DTNB: variants seen among roughly 807,000 people sequenced by gnomAD.
DTNB encodes dystrobrevin beta.
In DTNB, 63 loss-of-function variants were observed where a neutral mutation model predicts 90.7. The observed-to-expected ratio is 0.69, with a 90% confidence interval of 0.57 to 0.86. The LOEUF is 0.86. DTNB is among the 40% of genes least tolerant of loss of function. The pLI is 0.00. For synonymous variants in DTNB, 277 were observed against 286.7 expected (o/e 0.97, Z 0.34); for missense variants, 744 against 807.1 (o/e 0.92, Z 0.95).
chr2:25,473,665 G>A (rs1163465712), intron 10 of DTNB, among the ~76,000 whole-genome samples: 1 of 152,136 alleles, frequency 6.6e-6, no homozygotes, highest in Non-Finnish European at 1.5e-5. Flanking sequence ...GAGATTCGCT[G>A]GAAGAATCTG....
chr2:25,446,759 T>C (rs1217450207), intron 12 of DTNB, among the ~76,000 whole-genome samples: 3 of 152,236 alleles, frequency 2.0e-5, no homozygotes, highest in Non-Finnish European at 4.4e-5. Flanking sequence ...CATTGCGATA[T>C]ATTCATCTGA....
chr2:25,564,547 A>AT lies in DTNB; in HGVS notation c.876+12290dup, dbSNP rs58031038. Among the ~76,000 whole-genome samples, 554 of 147,098 alleles carry AT rather than the reference A, an allele frequency of 3.8e-3. 1 individual carries two copies. Among genetic ancestry groups the AT allele is most frequent in the African/African-American group, 5.8e-3 (236 of 40,386 alleles). On this transcript the variant is annotated intron_variant, in intron 8 of 20. Transcript: ENST00000406818. ...AGGCACGCGCCACCACACCTGGCTA[A>AT]TTTTTTTTTTTTGTATTTTTAATAG...
intron 8 of DTNB, among the ~76,000 whole-genome samples, chr2:25,551,768 T>C (rs533376667): frequency 9.7e-4 from 148 of 152,364 alleles, no homozygotes; most frequent in Middle Eastern, 3.4e-3. Flanking sequence ...ACTGGATCTA[T>C]TGCTTAAGTA....
intron 16 of DTNB, among the ~76,000 whole-genome samples, chr2:25,401,744 A>G (rs780942842): frequency 5.9e-5 from 9 of 152,250 alleles, no homozygotes; most frequent in Non-Finnish European, 1.3e-4. Context: ...CAGAGCATTC[A>G]TAACTGCATC....
In DTNB at chr2:25,519,338, C is replaced by G. The variant is rs569597707; in HGVS notation, c.1001+12135G>C. ...TGTGATCATGTCACTGAACTTTAGC[C>G]TCGGTGACAGATCAAGACCCTGTTT... On this transcript the variant is annotated intron_variant, in intron 9 of 20. Coordinates refer to ENST00000406818, the MANE Select transcript of DTNB (RefSeq NM_021907.5). 1.5e-4 allele frequency among the ~76,000 whole-genome samples: 22 copies of G among 150,562 alleles called. No individual in the cohort carries two copies. In the East Asian group the frequency reaches 4.1e-3, roughly 28 times the overall value.
chr2:25,511,295 A>G (rs2073891486), intron 9 of DTNB, among the ~76,000 whole-genome samples: 1 of 152,188 alleles, frequency 6.6e-6, no homozygotes, highest in Non-Finnish European at 1.5e-5. Context: ...GTCAATATAA[A>G]TCAGTTTCAT....
At chr2:25,382,482 G>A (rs1329134225) in intron 19 of DTNB, among the ~76,000 whole-genome samples, 1 of 146,698 alleles carries the variant, frequency 6.8e-6, no homozygotes, top group African/African-American at 2.5e-5. Flanking sequence ...AAGATTAAGA[G>A]CACGAAGTTT....
chr2:25,488,232 G>A (rs952675927), intron 9 of DTNB, among the ~76,000 whole-genome samples: 2 of 152,214 alleles, frequency 1.3e-5, no homozygotes, highest in Non-Finnish European at 2.9e-5. Flanking sequence ...GACAGTGGTA[G>A]TCAAGATGGG....
chr2:25,591,853 G>A (rs2148355457), intron 6 of DTNB, among the ~76,000 whole-genome samples: 1 of 152,154 alleles, frequency 6.6e-6, no homozygotes, highest in African/African-American at 2.4e-5. Flanking sequence ...CTGAGATCAG[G>A]AGGTCGAGAT....
chr2:25,396,149 T>C (rs772960554), intron 16 of DTNB, among the ~76,000 whole-genome samples: 9 of 152,230 alleles, frequency 5.9e-5, no homozygotes, highest in Non-Finnish European at 1.2e-4. Context: ...ACCATTATTC[T>C]AAGTGAAGTG....
Position 25,424,788 on chromosome 2 carries a change from C to T in DTNB, c.1554+2747G>A, listed in dbSNP as rs1006944708. On this transcript the variant is annotated intron_variant, in intron 15 of 20. Transcript: ENST00000406818. The surrounding 1 kb of genome is among the most constrained non-coding windows in gnomAD (Gnocchi z 4.1). ...GCTTAAGCGATCCTCCCACCTCAGCCTCCTGAGTAGCTGGGATTATAGGCA... is the reference window on the plus strand; with the variant it reads ...GCTTAAGCGATCCTCCCACCTCAGCTTCCTGAGTAGCTGGGATTATAGGCA... Among the ~76,000 whole-genome samples, 77 of 152,146 alleles carry T rather than the reference C, an allele frequency of 5.1e-4. No homozygotes were observed. Among genetic ancestry groups the T allele is most frequent in the Non-Finnish European group, 3.5e-4 (24 of 68,000 alleles).
intron 3 of DTNB, among the ~76,000 whole-genome samples, chr2:25,635,406 GAT>G (rs1201032973): frequency 6.6e-6 from 1 of 152,040 alleles, no homozygotes; most frequent in Non-Finnish European, 1.5e-5. Context: ...CAGCCTGAGC[GAT>G]AGAGCGACTC....
At chr2:25,513,479 T>C (rs962715878) in intron 9 of DTNB, among the ~76,000 whole-genome samples, 1 of 152,084 alleles carries the variant, frequency 6.6e-6, no homozygotes, top group Non-Finnish European at 1.5e-5. Flanking sequence ...TCCTAGCACT[T>C]TGGGAGGCCG....
At position 25,596,248 on chromosome 2, in the gene DTNB, A is replaced by T; in HGVS notation, c.449-8T>A. ...ACATCTGGGAGAAAACATCTATGAG[A>T]ACAAAACCAAATAAAGTCAAGCTAT... is the stretch of plus-strand genomic sequence containing the variant. On this transcript the variant is annotated splice_region_variant and splice_polypyrimidine_tract_variant and intron_variant, in intron 5 of 20. Transcript: ENST00000406818. The T allele has an allele frequency of 6.3e-7, 1 of 1,596,002 alleles. No individual in the cohort carries two copies. The highest frequency in any genetic ancestry group is 8.5e-7 in the Non-Finnish European group (1 of 1,172,846).
Position 25,427,629 on chromosome 2 carries a change from T to C in DTNB, c.1460A>G (p.Gln487Arg). ...CCTCTGCTCCAGTTCATCCTTCCTT[T>C]GCCTATCCAAGACGAGAAGCCTATC... ...TLLAELRLLR[Q>R]RKDELEQRMS... The change falls in exon 15 of 21, where the codon CAA becomes CGA. Residue 487 changes from glutamine (Q) to arginine (R), a missense_variant and splice_region_variant. By Grantham distance (43) the Gln-to-Arg change is conservative (BLOSUM62 1). Coordinates refer to ENST00000406818, the MANE Select transcript of DTNB (RefSeq NM_021907.5). The C allele has an allele frequency of 1.2e-6, 2 of 1,612,892 alleles. No homozygotes were observed. Among genetic ancestry groups the C allele is most frequent in the South Asian group, 2.2e-5 (2 of 91,050 alleles).
intron 12 of DTNB, among the ~76,000 whole-genome samples, chr2:25,447,979 G>T (rs1282753590): frequency 6.6e-6 from 1 of 152,172 alleles, no homozygotes; most frequent in East Asian, 1.9e-4. Context: ...AGTAGTGACA[G>T]CAACAGTAGC....
chr2:25,550,433 C>T (rs575720405), intron 8 of DTNB, among the ~76,000 whole-genome samples: 22 of 152,090 alleles, frequency 1.4e-4, no homozygotes, highest in Middle Eastern at 3.4e-3. Flanking sequence ...AAAAAAAACA[C>T]GGTGCTATTG....
intron 6 of DTNB, among the ~76,000 whole-genome samples, chr2:25,582,100 G>T (rs981912994): frequency 1.3e-5 from 2 of 152,270 alleles, no homozygotes; most frequent in East Asian, 1.9e-4. Context: ...ATTTCAAGGG[G>T]GGAAAAAAGG....
Position 25,520,123 on chromosome 2 carries a change from C to T in DTNB, c.1001+11350G>A, listed in dbSNP as rs181687055. 1.1e-4 allele frequency among the ~76,000 whole-genome samples: 16 copies of T among 152,286 alleles called. No homozygotes were observed. In the East Asian group the frequency reaches 2.9e-3, roughly 28 times the overall value. On this transcript the variant is annotated intron_variant, in intron 9 of 20. Coordinates refer to ENST00000406818, the MANE Select transcript of DTNB (RefSeq NM_021907.5). ...TGTAGGCTAGGGGCAGTGGCTCTCG[C>T]CTGTAATCCCAGCACTTTGGGAGAC...
Sources: allele counts gnomAD v4.1 joint callset (sites outside exome capture counted in the v4.1 genomes callset), GRCh38; gene constraint gnomAD v4.1.1; non-coding constraint Gnocchi (gnomAD v3.1); transcripts MANE v1.5; gene names NCBI Gene and HGNC (gene_info 2026-07-23, HGNC 2026-07-21).